TMEM50B: variants seen among roughly 807,000 people sequenced by gnomAD.
TMEM50B encodes HCV p7-trans-regulated protein 3.
In TMEM50B, 14 loss-of-function variants were observed where a neutral mutation model predicts 23.4. That is an observed-to-expected ratio of 0.60 (90% CI 0.39 to 0.93). TMEM50B has a LOEUF of 0.93. Ranked by LOEUF, TMEM50B falls within the 40% of genes least tolerant of loss-of-function variation. TMEM50B has a pLI of 0.00. For synonymous variants in TMEM50B, 64 were observed against 62.3 expected, an observed-to-expected ratio of 1.03 and a Z score of -0.13; for missense variants, 159 against 193.0, an observed-to-expected ratio of 0.82 and a Z score of 1.04.
intron 8 of TMEM50B, chr21:33,433,013 G>T: frequency 1.4e-6 from 1 of 731,784 alleles, no homozygotes; most frequent in African/African-American, 1.8e-5. Flanking sequence ...AGCCTCCTGA[G>T]TAGCTGGTAT....
intron 1 of TMEM50B, among the ~76,000 whole-genome samples, chr21:33,478,495 A>G (rs1034442637): frequency 6.6e-6 from 1 of 152,110 alleles, no homozygotes; most frequent in African/African-American, 2.4e-5. Flanking sequence ...AAATGAGGAT[A>G]AAATACGATA....
intron 8 of TMEM50B, among the ~76,000 whole-genome samples, chr21:33,435,843 C>T (rs2083940984): frequency 7.5e-6 from 1 of 133,382 alleles, no homozygotes; most frequent in Admixed American, 8.4e-5. Flanking sequence ...AGATCCACGC[C>T]ACTGCACTCC....
intron 6 of TMEM50B, among the ~76,000 whole-genome samples, chr21:33,452,793 CA>C (rs1431423295): frequency 6.6e-6 from 1 of 152,036 alleles, no homozygotes; most frequent in Non-Finnish European, 1.5e-5. Flanking sequence ...AAAATAGGTC[CA>C]AAATGAAGAG....
At chr21:33,448,650 T>C (rs2123410090), downstream of TMEM50B, 1 of 152,206 alleles carries the variant, frequency 6.6e-6, no homozygotes, top group East Asian at 1.9e-4. Context: ...CCGGCTAATT[T>C]TTTTGTATTT....
intron 1 of TMEM50B, 70 bp downstream of exon 1, chr21:33,479,768 C>G (rs1024657015): frequency 1.3e-5 from 2 of 152,620 alleles, no homozygotes; most frequent in African/African-American, 2.4e-5. Flanking sequence ...AGGGAGCCTC[C>G]TTACGCGCGG....
At chr21:33,464,209 T>C (rs989041280) in intron 4 of TMEM50B, among the ~76,000 whole-genome samples, 1 of 151,114 alleles carries the variant, frequency 6.6e-6, no homozygotes, top group African/African-American at 2.4e-5. Flanking sequence ...TTTTTTTTTT[T>C]TTTTTGAGAC....
chr21:33,439,730 A>G (rs945758940), intron 7 of TMEM50B, among the ~76,000 whole-genome samples: 5 of 151,788 alleles, frequency 3.3e-5, no homozygotes, highest in African/African-American at 1.2e-4. Flanking sequence ...AGTAAAATAA[A>G]TGACTAATTG....
chr21:33,432,543 G>A (rs2083899119), exon 9 of TMEM50B: 6 of 875,436 alleles, frequency 6.9e-6, no homozygotes, highest in African/African-American at 1.7e-5. Flanking sequence ...TTTCATTACA[G>A]GATTGACTTT....
chr21:33,435,939 C>T (rs901293645), intron 8 of TMEM50B, among the ~76,000 whole-genome samples: 5 of 146,540 alleles, frequency 3.4e-5, no homozygotes, highest in Non-Finnish European at 4.5e-5. Context: ...CGCCTGCAAT[C>T]CTAGCTACTT....
rs2084414462 is a variant in TMEM50B at position 33,479,971 on chromosome 21, G to C, written c.-175C>G. On this transcript the variant is annotated 5_prime_UTR_variant, in exon 1 of 7. Coordinates refer to ENST00000542230, the MANE Select transcript of TMEM50B (RefSeq NM_006134.7). ...GGAGCTGGGAGCAGACGCGAGGATA[G>C]AGCGCCGGTGAGGCGGGGCGAGGCG... The C allele has an allele frequency of 6.6e-6, 1 of 152,234 alleles. No individual in the cohort carries two copies. Among genetic ancestry groups the C allele is most frequent in the Admixed American group, 6.5e-5 (1 of 15,290 alleles). The allele number at this position is 152,234 out of a possible 1,614,324, so 9.4% of individuals were successfully genotyped here.
intron 5 of TMEM50B, among the ~76,000 whole-genome samples, chr21:33,457,515 G>A (rs1038484804): frequency 5.3e-5 from 8 of 151,788 alleles, no homozygotes; most frequent in South Asian, 2.1e-4. Flanking sequence ...GCTGGGAGTC[G>A]TGGCAGGCGG....
chr21:33,463,901 G>C (rs1484615294), intron 4 of TMEM50B, among the ~76,000 whole-genome samples: 1 of 152,206 alleles, frequency 6.6e-6, no homozygotes, highest in Non-Finnish European at 1.5e-5. Flanking sequence ...CTGGGTGGCA[G>C]AGTGAGACTC....
intron 6 of TMEM50B, 136 bp from the exon 7 acceptor site, chr21:33,450,999 G>T (rs2084115187): frequency 1.5e-6 from 1 of 664,008 alleles, no homozygotes; most frequent in Non-Finnish European, 2.6e-6. Flanking sequence ...CATCATGGCA[G>T]TGTTGGTCTT....
chr21:33,464,031 G>A (rs1007159905), intron 4 of TMEM50B, among the ~76,000 whole-genome samples: 4 of 152,092 alleles, frequency 2.6e-5, no homozygotes, highest in African/African-American at 7.2e-5. Flanking sequence ...CAGACAAAGT[G>A]ACCAAATGGT....
At chr21:33,476,720 C>T (rs1183529834) in intron 1 of TMEM50B, among the ~76,000 whole-genome samples, 2 of 128,406 alleles carry the variant, frequency 1.6e-5, no homozygotes, top group East Asian at 2.7e-4. Context: ...GAGATCGCAC[C>T]ACTGCACTCC....
In TMEM50B at chr21:33,450,818, T is replaced by G; in HGVS notation, c.477A>C (p.Ter159CysextTer17). 1.2e-6 allele frequency: 2 copies of G among 1,612,270 alleles called. No individual in the cohort carries two copies. Among genetic ancestry groups the G allele is most frequent in the Non-Finnish European group, 1.7e-6 (2 of 1,179,120 alleles). ...KFGRTEELWT[*>C] ...GGAAAATGTGACTTAAGAAGTGATC[T>G]CAGGTCCATAGCTCTTCGGTTCTTC... The change falls in exon 7 of 7, where the codon TGA becomes TGC. Residue 159 changes from the stop codon to cysteine, a stop_lost. Coordinates refer to ENST00000542230, the MANE Select transcript of TMEM50B (RefSeq NM_006134.7).
intron 7 of TMEM50B, among the ~76,000 whole-genome samples, chr21:33,441,452 T>C (rs1379647449): frequency 6.6e-6 from 1 of 151,988 alleles, no homozygotes; most frequent in Non-Finnish European, 1.5e-5. Context: ...AAAATGAGGA[T>C]TAGATCACTG....
chr21:33,432,938 T>C (rs1191752848), intron 8 of TMEM50B: 1 of 1,336,510 alleles, frequency 7.5e-7, no homozygotes, highest in Admixed American at 1.9e-5. Context: ...CAGGCGGGAG[T>C]GTCATGGTAC....
intron 6 of TMEM50B, among the ~76,000 whole-genome samples, chr21:33,451,985 G>C (rs1285399515): frequency 6.6e-6 from 1 of 152,158 alleles, no homozygotes; most frequent in Non-Finnish European, 1.5e-5. Flanking sequence ...AAGCATACAG[G>C]CTGCCTGATA....
Sources: gnomAD v4.1 joint callset for allele counts (sites outside exome capture counted in the v4.1 genomes callset) on GRCh38, gnomAD v4.1.1 for gene constraint, MANE v1.5 for transcripts, NCBI Gene and HGNC (gene_info 2026-07-23, HGNC 2026-07-21) for gene names.